Variants in ZNF653 observed in about 807,000 individuals in gnomAD.
The protein encoded by ZNF653 is 67 kDa zinc finger protein.
In ZNF653, 37 loss-of-function variants were observed where a neutral mutation model predicts 59.9. The observed-to-expected ratio is 0.62, with a 90% CI of 0.48 to 0.81. The LOEUF (loss-of-function observed/expected upper bound fraction) is 0.81, where lower values mean the gene tolerates loss of function less well. Among genes scored for constraint, ZNF653 ranks in the 40% least tolerant of loss-of-function variants. The pLI, the probability that ZNF653 is intolerant of heterozygous loss-of-function variation, is 0.00. For missense variants in ZNF653, 808 were observed against 881.1 expected (o/e 0.92, Z 1.05); for synonymous variants, 435 against 371.8 (o/e 1.17, Z -1.96).
intron 7 of ZNF653, among the ~76,000 whole-genome samples, chr19:11,484,780 G>A (rs559075607): frequency 4.6e-5 from 7 of 151,944 alleles, no homozygotes; most frequent in African/African-American, 7.2e-5. Context: ...TGCCCAGCAC[G>A]GTGGCTCACA....
intron 3 of ZNF653, among the ~76,000 whole-genome samples, chr19:11,489,678 A>T (rs1479268476): frequency 6.6e-6 from 1 of 152,054 alleles, no homozygotes; most frequent in African/African-American, 2.4e-5. Context: ...AGACACTGTG[A>T]CCCTCTCACT....
Position 11,488,274 on chromosome 19 carries a change from C to T in ZNF653, c.560-371G>A, listed in dbSNP as rs527884403. On this transcript the variant is annotated intron_variant, in intron 3 of 8. Coordinates refer to ENST00000293771, the MANE Select transcript of ZNF653 (RefSeq NM_138783.4). ...ATGCCATTCTCCCACCTCAGCCTCC[C>T]GAGTAGCTGGGACTACAGGCATGTG... 2.6e-5 allele frequency among the ~76,000 whole-genome samples: 4 copies of T among 152,016 alleles called. No homozygotes were observed. In the South Asian group the frequency reaches 6.2e-4, roughly 24 times the overall value.
Position 11,495,991 on chromosome 19 carries a change from G to A in ZNF653, c.518C>T (p.Pro173Leu). The part of the protein sequence containing the change: ...GHRYFQDLHS[P>L]LKPLSDSDPD... ...GTCTGAGTCGCTGAGGGGCTTCAGGGGCGAATGCAGGTCCTGGAAGTAGCG... is the reference window on the plus strand; with the variant it reads ...GTCTGAGTCGCTGAGGGGCTTCAGGAGCGAATGCAGGTCCTGGAAGTAGCG... Residue 173 changes from proline to leucine, a missense_variant, in exon 3 of 9, where the codon CCC becomes CTC. Pro to Leu is a moderately conservative substitution (Grantham distance 98, BLOSUM62 -3). Coordinates refer to ENST00000293771, the MANE Select transcript of ZNF653 (RefSeq NM_138783.4). This position sits in a 1 kb window ranked among gnomAD's most constrained non-coding sequence, Gnocchi z 4.9. 5 of 1,614,170 alleles carry A rather than the reference G, an allele frequency of 3.1e-6. No homozygotes were observed. Among genetic ancestry groups the A allele is most frequent in the Non-Finnish European group, 3.4e-6 (4 of 1,180,018 alleles).
intron 7 of ZNF653, 52 bp from the exon 8 acceptor site, chr19:11,484,193 G>C: frequency 7.3e-7 from 1 of 1,372,856 alleles, no homozygotes; most frequent in Non-Finnish European, 1.0e-6. Flanking sequence ...GGGTGTCTCT[G>C]ATGTGCTGCA....
intron 3 of ZNF653, among the ~76,000 whole-genome samples, chr19:11,494,955 G>T (rs188840295): frequency 0.011 from 1,608 of 152,330 alleles, 26 homozygotes; most frequent in African/African-American, 0.037. Flanking sequence ...ATCATGGGAT[G>T]GGGCAGCCGA....
At position 11,495,487 on chromosome 19, in the gene ZNF653, G is replaced by A; in HGVS notation, c.559+463C>T. 5.5e-6 allele frequency: 1 copy of A among 183,250 alleles called. No individual in the cohort carries two copies. The highest frequency in any genetic ancestry group is 1.2e-5 in the Non-Finnish European group (1 of 85,324). The allele number at this position is 183,250 out of a possible 1,614,324, so 11.4% of individuals were successfully genotyped here. The stretch of plus-strand genomic sequence containing the variant: ...CGAAGCCTGGAAAGGCAGAAGGCAA[G>A]AGAATGCAACTGGGAGCCAGAGAAA... On this transcript the variant is annotated intron_variant, in intron 3 of 8. Transcript: ENST00000293771. The surrounding 1 kb of genome is among the most constrained non-coding windows in gnomAD (Gnocchi z 4.9).
chr19:11,499,381 C>T (rs1971620799), intron 1 of ZNF653, among the ~76,000 whole-genome samples: 1 of 152,186 alleles, frequency 6.6e-6, no homozygotes, highest in South Asian at 2.1e-4. Context: ...GTTAATCAAA[C>T]GGGAACATAT....
chr19:11,487,368 G>A lies in ZNF653; in HGVS notation c.1095C>T (p.Tyr365=), dbSNP rs1202626795. 8 of 1,613,092 alleles carry A rather than the reference G, an allele frequency of 5.0e-6. No individual in the cohort carries two copies. Among genetic ancestry groups the A allele is most frequent in the Non-Finnish European group, 1.7e-6 (2 of 1,179,902 alleles). Residue 365 remains tyrosine, a synonymous_variant, in exon 4 of 9, where the codon TAC becomes TAT. Transcript: ENST00000293771. This position sits in a 1 kb window ranked among gnomAD's most constrained non-coding sequence, Gnocchi z 5.1. The stretch of plus-strand genomic sequence containing the variant: ...GGCTACCCTCGGGCTCTGTCTGGGT[G>A]TAGGCTGCCACACCCTCCATCATGG... ...PCAMMEGVAA[Y]TQTEPEGSQP...
chr19:11,505,658 G>A lies in ZNF653; in HGVS notation c.129C>T (p.Asp43=), dbSNP rs1225961331. 1 of 1,495,948 alleles carries A rather than the reference G, an allele frequency of 6.7e-7. No individual in the cohort carries two copies. Among genetic ancestry groups the A allele is most frequent in the Admixed American group, 2.2e-5 (1 of 45,446 alleles). 92.7% of individuals were successfully genotyped at this position (1,495,948 alleles called of 1,614,324 possible). Residue 43 remains aspartate (D), a synonymous_variant, in exon 1 of 9, where the codon GAC becomes GAT. Coordinates refer to ENST00000293771, the MANE Select transcript of ZNF653 (RefSeq NM_138783.4). Reference sequence around the variant, plus strand: ...GGGACTCGAGCCGTCGCCGGGCCCGGTCCGACTCCGTGAGTCGCGGCCGGC... The same window carrying A: ...GGGACTCGAGCCGTCGCCGGGCCCGATCCGACTCCGTGAGTCGCGGCCGGC... ...ARGRPRLTES[D]RARRRLESRK... is the part of the protein sequence containing the mutation.
At position 11,483,684 on chromosome 19, in the gene ZNF653, A is replaced by T; in HGVS notation, c.1846T>A (p.Ter616ArgextTer3). ...GGGGCGGTCAGTGGTCAGGTGGGTC[A>T]GGTGGGCTTGTGATCCGGGTGGCTT... ...LKSHPDHKPT[*>R] The change falls in exon 9 of 9, where the codon TGA (stop) becomes AGA (arginine). Residue 616 changes from the stop codon to arginine, a stop_lost. Coordinates refer to ENST00000293771, the MANE Select transcript of ZNF653 (RefSeq NM_138783.4). 1 of 1,611,466 alleles carries T rather than the reference A, an allele frequency of 6.2e-7. No homozygotes were observed. The highest frequency in any genetic ancestry group is 8.5e-7 in the Non-Finnish European group (1 of 1,177,812).
chr19:11,498,272 C>T (rs1971608992), intron 2 of ZNF653, 24 bp downstream of exon 2: 12 of 1,613,700 alleles, frequency 7.4e-6, no homozygotes, highest in Admixed American at 6.7e-5. Context: ...CTCCCCACCT[C>T]CCCCAGGCTG....
At position 11,483,803 on chromosome 19, in the gene ZNF653, T is replaced by A. The variant is rs768117082; in HGVS notation, c.1727A>T (p.Lys576Met). 6.2e-7 allele frequency: 1 copy of A among 1,612,532 alleles called. No individual in the cohort carries two copies. The highest frequency in any genetic ancestry group is 1.3e-5 in the African/African-American group (1 of 74,952). Residue 576 changes from lysine to methionine, a missense_variant, in exon 9 of 9, where the codon AAG becomes ATG. Physicochemically the swap from Lys to Met is moderately conservative, Grantham distance 95. Transcript: ENST00000293771. ...GTACTGCACCTCCGCAGTGTGCTTC[T>A]TCATGTGCCAGTTGAGCGACGCGCG... ...RQRASLNWHMKKHTAEVQYNF... is the reference protein window; with the variant it reads ...RQRASLNWHMMKHTAEVQYNF...
chr19:11,505,207 A>T, intron 1 of ZNF653: 1 of 387,368 alleles, frequency 2.6e-6, no homozygotes, highest in Non-Finnish European at 4.6e-6. Context: ...GGCCAGTCCC[A>T]GGATTGGGCC....
At chr19:11,494,598 G>C (rs754734892) in intron 3 of ZNF653, among the ~76,000 whole-genome samples, 12 of 152,198 alleles carry the variant, frequency 7.9e-5, no homozygotes, top group Non-Finnish European at 1.6e-4. Context: ...GCTGAGGAAG[G>C]AGAATGGCTG....
Position 11,495,339 on chromosome 19 carries a change from G to A in ZNF653, c.559+611C>T, listed in dbSNP as rs1417923629. On this transcript the variant is annotated intron_variant, in intron 3 of 8. Coordinates refer to ENST00000293771, the MANE Select transcript of ZNF653 (RefSeq NM_138783.4). The surrounding 1 kb of genome is among the most constrained non-coding windows in gnomAD (Gnocchi z 4.9). ...GAGAAAGGGGAATAGAAGGAAACAA[G>A]AGAAAGAGAGAGAGGGAGATGAGAC... Among the ~76,000 whole-genome samples the A allele has an allele frequency of 6.6e-6, 1 of 152,108 alleles. No homozygotes were observed. Among genetic ancestry groups the A allele is most frequent in the Non-Finnish European group, 1.5e-5 (1 of 68,028 alleles).
In ZNF653 at chr19:11,502,674, T is replaced by C. The variant is rs548110599; in HGVS notation, c.299+2814A>G. ...AGCAAGACTGCATCTCAAAAATAAA[T>C]AAACAAATAAATAAGGAAATAAAAG... On this transcript the variant is annotated intron_variant, in intron 1 of 8. Transcript: ENST00000293771. Among the ~76,000 whole-genome samples the C allele has an allele frequency of 4.0e-5, 6 of 151,896 alleles. No homozygotes were observed. In the South Asian group the frequency reaches 1.0e-3, roughly 26 times the overall value.
At chr19:11,494,988 C>A (rs1971570210) in intron 3 of ZNF653, among the ~76,000 whole-genome samples, 1 of 152,236 alleles carries the variant, frequency 6.6e-6, no homozygotes, top group African/African-American at 2.4e-5. Context: ...CGCTGAGAGC[C>A]TGGCCGACAC....
intron 1 of ZNF653, 86 bp from the exon 2 acceptor site, chr19:11,498,425 C>T (rs1271141277): frequency 1.3e-6 from 2 of 1,563,090 alleles, no homozygotes; most frequent in African/African-American, 1.4e-5. Flanking sequence ...GCTAGAGCCA[C>T]TGCTCATTGT....
rs763578414 is a variant in ZNF653, at chr19:11,487,129, CCTT to C, written c.1198_1200del (p.Lys400del). 7.1e-5 allele frequency: 114 copies of C among 1,612,642 alleles called. No homozygotes were observed. In the East Asian group the frequency reaches 1.5e-3, roughly 21 times the overall value. Reference sequence around the variant, plus strand: ...GGGGCTACTGGCTCCTCCTTCTCCTCCTTCTTTAGCAAGCACAGGTCCTCCTTC... The same window carrying C: ...GGGGCTACTGGCTCCTCCTTCTCCTCCTTTAGCAAGCACAGGTCCTCCTTC... On this transcript the variant is annotated inframe_deletion, in exon 5 of 9. Transcript: ENST00000293771. This position sits in a 1 kb window ranked among gnomAD's most constrained non-coding sequence, Gnocchi z 5.1.
Sources: gnomAD v4.1 joint callset for allele counts (sites outside exome capture counted in the v4.1 genomes callset) on GRCh38, gnomAD v4.1.1 for gene constraint, Gnocchi (gnomAD v3.1) non-coding constraint, MANE v1.5 for transcripts, NCBI Gene and HGNC (gene_info 2026-07-23, HGNC 2026-07-21) for gene names.